CARMIL1: variants seen among roughly 807,000 people sequenced by gnomAD.
CARMIL1 encodes the protein F-actin-uncapping protein LRRC16A.
CARMIL1 carries 90 observed loss-of-function variants against 177.1 expected under a neutral mutation model. The ratio of observed to expected loss-of-function variants is 0.51; its 90% CI spans 0.43 to 0.61. The LOEUF (loss-of-function observed/expected upper bound fraction) is 0.61, where lower values mean the gene tolerates loss of function less well. Among genes scored for constraint, CARMIL1 ranks in the 20% least tolerant of loss-of-function variants. The pLI is 0.00. For synonymous variants in CARMIL1, 577 were observed against 606.2 expected (o/e 0.95, Z 0.71); for missense variants, 1,380 against 1,667.0 (o/e 0.83, Z 3.00).
In CARMIL1 at chr6:25,500,925, A is replaced by AT. The variant is rs879804787; in HGVS notation, c.1395+700dup. 1.9e-3 allele frequency among the ~76,000 whole-genome samples: 275 copies of AT among 146,300 alleles called. 1 individual carries two copies. The highest frequency in any genetic ancestry group is 3.6e-3 in the Middle Eastern group (1 of 280). On this transcript the variant is annotated intron_variant, in intron 17 of 36. Coordinates refer to ENST00000329474, the MANE Select transcript of CARMIL1 (RefSeq NM_017640.6). ...CAGGCGCCCGCCACCACGCCCGGCT[A>AT]TTTTTTTTTTGTATTTTTAGTAGAG...
intron 2 of CARMIL1, among the ~76,000 whole-genome samples, chr6:25,316,628 T>C (rs959626902): frequency 1.3e-5 from 2 of 152,078 alleles, no homozygotes; most frequent in African/African-American, 4.8e-5. Flanking sequence ...GTCAGGCTGG[T>C]CTTGAACTCC....
intron 29 of CARMIL1, among the ~76,000 whole-genome samples, chr6:25,570,483 A>G (rs552849659): frequency 6.6e-6 from 1 of 152,222 alleles, no homozygotes; most frequent in Non-Finnish European, 1.5e-5. Flanking sequence ...GTGAATTTTT[A>G]CTTTTGCAGC....
intron 25 of CARMIL1, among the ~76,000 whole-genome samples, chr6:25,538,244 G>A (rs113726560): frequency 1.6e-3 from 240 of 152,250 alleles, no homozygotes; most frequent in Non-Finnish European, 2.5e-3. Context: ...GGGAGCTGTC[G>A]TTTAAATGAG....
At chr6:25,315,227 A>G (rs935951573) in intron 2 of CARMIL1, among the ~76,000 whole-genome samples, 1 of 152,220 alleles carries the variant, frequency 6.6e-6, no homozygotes, top group African/African-American at 2.4e-5. Flanking sequence ...CATTGCATTA[A>G]GGAAAATATC....
intron 1 of CARMIL1, 45 bp downstream of exon 1, chr6:25,279,880 TCCTCAC>T: frequency 3.1e-6 from 5 of 1,600,942 alleles, no homozygotes; most frequent in Non-Finnish European, 4.3e-6. Context: ...CTCTGCGTAC[TCCTCAC>T]CTCTCTCTCC....
chr6:25,404,493 ATGCC>A (rs1794178528), intron 2 of CARMIL1, among the ~76,000 whole-genome samples: 1 of 152,190 alleles, frequency 6.6e-6, no homozygotes, highest in Admixed American at 6.5e-5. Context: ...GCGGTGGCTC[ATGCC>A]TATAATCCCA....
intron 5 of CARMIL1, among the ~76,000 whole-genome samples, chr6:25,446,227 C>G (rs1390522939): frequency 6.6e-6 from 1 of 152,196 alleles, no homozygotes; most frequent in Non-Finnish European, 1.5e-5. Context: ...AGCTTTGAAG[C>G]CTGCCATTGA....
intron 9 of CARMIL1, among the ~76,000 whole-genome samples, chr6:25,470,280 T>G (rs1178786425): frequency 6.6e-6 from 1 of 152,224 alleles, no homozygotes. Context: ...TCTTTAAACC[T>G]TAATTTTCTT....
chr6:25,315,857 A>G (rs1369006420), intron 2 of CARMIL1, among the ~76,000 whole-genome samples: 1 of 152,196 alleles, frequency 6.6e-6, no homozygotes, highest in Admixed American at 6.5e-5. Context: ...GACCAGCGTC[A>G]TTGCCAATAC....
intron 2 of CARMIL1, among the ~76,000 whole-genome samples, chr6:25,410,616 C>G (rs908904138): frequency 6.6e-6 from 1 of 151,846 alleles, no homozygotes; most frequent in South Asian, 2.1e-4. Flanking sequence ...GGGACTTTTG[C>G]GCCCTAGGCT....
intron 29 of CARMIL1, among the ~76,000 whole-genome samples, chr6:25,559,882 C>A (rs1157135693): frequency 1.3e-5 from 2 of 152,118 alleles, no homozygotes; most frequent in Admixed American, 6.5e-5. Context: ...TCTCTCTGGT[C>A]CAAATGTCAA....
At chr6:25,443,554 A>G (rs1173369397) in intron 5 of CARMIL1, among the ~76,000 whole-genome samples, 2 of 152,212 alleles carry the variant, frequency 1.3e-5, no homozygotes, top group East Asian at 3.8e-4. Flanking sequence ...GACCATTGCA[A>G]TAAAGTGAGT....
chr6:25,332,432 G>C (rs989870180), intron 2 of CARMIL1, among the ~76,000 whole-genome samples: 1 of 152,134 alleles, frequency 6.6e-6, no homozygotes, highest in Non-Finnish European at 1.5e-5. Flanking sequence ...TGAAGGTGTA[G>C]AGAAGTGGGT....
chr6:25,313,683 G>GCATATATATATGTATATATGTGTATATA, intron 2 of CARMIL1, among the ~76,000 whole-genome samples: 18 of 133,788 alleles, frequency 1.3e-4, no homozygotes, highest in African/African-American at 4.9e-4. Flanking sequence ...AGGGAAGGCT[G>GCATATATATATGTATATATGTGTATATA]TATATATACA....
intron 2 of CARMIL1, among the ~76,000 whole-genome samples, chr6:25,363,053 G>C (rs1789402261): frequency 6.6e-6 from 1 of 152,056 alleles, no homozygotes; most frequent in African/African-American, 2.4e-5. Flanking sequence ...AGAAAGAAAA[G>C]AAAGAAAGAA....
chr6:25,450,846 T>C, intron 8 of CARMIL1, 135 bp downstream of exon 8: 2 of 501,330 alleles, frequency 4.0e-6, no homozygotes, highest in Non-Finnish European at 7.1e-6. Context: ...TCCCCTCCCC[T>C]TCCCTCCCCT....
intron 2 of CARMIL1, among the ~76,000 whole-genome samples, chr6:25,347,270 G>T (rs1787614371): frequency 6.6e-6 from 1 of 152,094 alleles, no homozygotes; most frequent in Non-Finnish European, 1.5e-5. Context: ...TATATTATAG[G>T]CAAAAAGCAA....
At chr6:25,324,203 C>T (rs902776641) in intron 2 of CARMIL1, among the ~76,000 whole-genome samples, 2 of 152,218 alleles carry the variant, frequency 1.3e-5, no homozygotes, top group African/African-American at 2.4e-5. Context: ...CCATGCTAGG[C>T]GTGGAGAGGA....
intron 2 of CARMIL1, among the ~76,000 whole-genome samples, chr6:25,401,069 A>T (rs1793844084): frequency 6.6e-6 from 1 of 152,158 alleles, no homozygotes; most frequent in Non-Finnish European, 1.5e-5. Context: ...ATTGTATGGT[A>T]CTTTTATCTC....
Sources: gnomAD v4.1 joint callset for allele counts (sites outside exome capture counted in the v4.1 genomes callset) on GRCh38, gnomAD v4.1.1 for gene constraint, MANE v1.5 for transcripts, NCBI Gene and HGNC (gene_info 2026-07-23, HGNC 2026-07-21) for gene names.